Variants in COL15A1 observed in about 807,000 individuals in gnomAD.
COL15A1 encodes collagen type XV alpha 1 chain.
In COL15A1, 111 loss-of-function variants were observed where a neutral mutation model predicts 165.9. That is an observed-to-expected ratio of 0.67 (90% CI 0.57 to 0.78). COL15A1 has a LOEUF of 0.78. Ranked by LOEUF, COL15A1 falls within the 30% of genes least tolerant of loss-of-function variation. The pLI is 0.00. For missense variants in COL15A1, 1,745 were observed against 1,789.7 expected (o/e 0.98, Z 0.45); for synonymous variants, 659 against 674.8 (o/e 0.98, Z 0.36).
intron 2 of COL15A1, among the ~76,000 whole-genome samples, chr9:98,970,721 G>T (rs1330379514): frequency 2.0e-5 from 3 of 151,970 alleles, no homozygotes; most frequent in Non-Finnish European, 4.4e-5. Context: ...TGTGGATGTG[G>T]GTTAGTGTGT....
At chr9:98,996,794 G>T in intron 5 of COL15A1, 140 bp from the exon 6 acceptor site, 1 of 1,276,064 alleles carries the variant, frequency 7.8e-7, no homozygotes. Context: ...TGCCCAGGTA[G>T]ACACCAAGTG....
chr9:99,043,458 C>G (rs953770423), intron 24 of COL15A1, among the ~76,000 whole-genome samples: 3 of 152,092 alleles, frequency 2.0e-5, no homozygotes, highest in Non-Finnish European at 4.4e-5. Context: ...ACATCCCCGC[C>G]CTAACCTCCT....
rs60290557 is a variant in COL15A1, at chr9:99,034,586, T to TAA, written c.2079+29_2079+30dup. On this transcript the variant is annotated splice_region_variant and intron_variant, in intron 17 of 41. Transcript: ENST00000375001. ...CCTAATGGCTCAGTTGGTGAAAAGG[T>TAA]AAAAAAAAAAAAAAAAAAAAAAAAA... 2,520 of 1,073,756 alleles carry TAA rather than the reference T, an allele frequency of 2.3e-3. 1 individual carries two copies. The highest frequency in any genetic ancestry group is 2.7e-3 in the African/African-American group (102 of 37,446). 66.5% of individuals were successfully genotyped at this position (1,073,756 alleles called of 1,614,324 possible). A position where few individuals can be genotyped will look rare whatever the true frequency, so the allele number is the denominator to read the frequency against.
chr9:99,023,217 CAGAG>C, intron 13 of COL15A1, 136 bp from the exon 14 acceptor site: 2 of 1,105,142 alleles, frequency 1.8e-6, no homozygotes, highest in Non-Finnish European at 2.5e-6. Context: ...GGAGAAAAGT[CAGAG>C]AGAAAACGGG....
intron 11 of COL15A1, among the ~76,000 whole-genome samples, 191 bp downstream of exon 11, chr9:99,016,310 G>T (rs1396450481): frequency 6.6e-6 from 1 of 152,248 alleles, no homozygotes; most frequent in Non-Finnish European, 1.5e-5. Context: ...TAGAGAAAAA[G>T]CAAGAGATTA....
intron 24 of COL15A1, among the ~76,000 whole-genome samples, chr9:99,042,534 T>C (rs1199404183): frequency 6.6e-6 from 1 of 152,242 alleles, no homozygotes; most frequent in African/African-American, 2.4e-5. Context: ...CCTTAGAACA[T>C]GCACTGCCTG....
intron 5 of COL15A1, among the ~76,000 whole-genome samples, chr9:98,992,584 G>A (rs1406803468): frequency 6.6e-6 from 1 of 152,272 alleles, no homozygotes; most frequent in Non-Finnish European, 1.5e-5. Flanking sequence ...GGGCTCCTCA[G>A]GTGTGGCCAG....
Position 99,035,033 on chromosome 9 carries a change from G to A in COL15A1, c.2099G>A (p.Gly700Asp). ...VGEKGDPGNR[G>D]LPGPPGKKGQ... ...CTACAGGGTGACCCTGGCAACAGAG[G>A]CTTACCTGGACCCCCGGGGAAAAAG... Residue 700 changes from glycine (G) to aspartate (D), a missense_variant, in exon 18 of 42, where the codon GGC becomes GAC. Coordinates refer to ENST00000375001, the MANE Select transcript of COL15A1 (RefSeq NM_001855.5). 1 of 1,613,352 alleles carries A rather than the reference G, an allele frequency of 6.2e-7. No individual in the cohort carries two copies. Among genetic ancestry groups the A allele is most frequent in the Non-Finnish European group, 8.5e-7 (1 of 1,179,484 alleles).
intron 15 of COL15A1, 74 bp from the exon 16 acceptor site, chr9:99,025,830 T>C (rs1839114025): frequency 2.0e-6 from 3 of 1,516,940 alleles, no homozygotes; most frequent in Admixed American, 3.8e-5. Context: ...AACCCTGCCC[T>C]CCTTTTCTAG....
intron 2 of COL15A1, among the ~76,000 whole-genome samples, chr9:98,961,701 G>A (rs745488134): frequency 6.6e-6 from 1 of 152,096 alleles, no homozygotes; most frequent in East Asian, 1.9e-4. Context: ...CAGCACTACC[G>A]CCCAGGGCCA....
intron 26 of COL15A1, 59 bp downstream of exon 26, chr9:99,044,829 T>C: frequency 6.7e-7 from 1 of 1,489,446 alleles, no homozygotes; most frequent in Non-Finnish European, 9.4e-7. Context: ...TTTTCATACT[T>C]TGATTTGGTT....
intron 13 of COL15A1, 106 bp from the exon 14 acceptor site, chr9:99,023,251 A>T: frequency 7.3e-7 from 1 of 1,374,934 alleles, no homozygotes; most frequent in Non-Finnish European, 9.7e-7. Flanking sequence ...TTATCGGGCT[A>T]TAGGATATAG....
chr9:99,010,722 G>C (rs1013592000), intron 9 of COL15A1, among the ~76,000 whole-genome samples: 3 of 152,234 alleles, frequency 2.0e-5, no homozygotes, highest in Admixed American at 2.0e-4. Context: ...CGTCCCATGG[G>C]CCTTCGGCTC....
intron 7 of COL15A1, among the ~76,000 whole-genome samples, chr9:99,001,472 G>A (rs1469329637): frequency 1.3e-5 from 2 of 152,198 alleles, no homozygotes; most frequent in African/African-American, 4.8e-5. Flanking sequence ...CTCCTGGGAT[G>A]AAAACTTAAG....
intron 2 of COL15A1, 151 bp from the exon 3 acceptor site, chr9:98,985,414 T>C: frequency 1.3e-6 from 1 of 751,452 alleles, no homozygotes; most frequent in Non-Finnish European, 2.1e-6. Flanking sequence ...TGTGGGTCGT[T>C]GTCAAAACGT....
chr9:99,017,455 C>A (rs1356992780), intron 11 of COL15A1, among the ~76,000 whole-genome samples: 1 of 152,184 alleles, frequency 6.6e-6, no homozygotes, highest in African/African-American at 2.4e-5. Flanking sequence ...AGAGATGCTG[C>A]TGACTTGTTG....
chr9:99,041,874 C>T (rs904690962), intron 23 of COL15A1, among the ~76,000 whole-genome samples, 171 bp from the exon 24 acceptor site: 4 of 152,218 alleles, frequency 2.6e-5, no homozygotes, highest in Non-Finnish European at 4.4e-5. Flanking sequence ...TTCTGCCAGA[C>T]CACAGTTTCT....
chr9:98,961,714 C>G (rs62561170), intron 2 of COL15A1, among the ~76,000 whole-genome samples: 1 of 152,094 alleles, frequency 6.6e-6, no homozygotes, highest in East Asian at 1.9e-4. Context: ...CAGGGCCACC[C>G]GGGGTAAAGG....
chr9:99,001,911 T>A (rs1329696795), intron 7 of COL15A1, among the ~76,000 whole-genome samples: 5 of 152,162 alleles, frequency 3.3e-5, no homozygotes, highest in Non-Finnish European at 5.9e-5. Context: ...TTCCATAGTT[T>A]GCCTTGTAAC....
Sources: gnomAD v4.1 joint callset for allele counts (sites outside exome capture counted in the v4.1 genomes callset) on GRCh38, gnomAD v4.1.1 for gene constraint, MANE v1.5 for transcripts, NCBI Gene and HGNC (gene_info 2026-07-23, HGNC 2026-07-21) for gene names.